Variants in C1orf21 observed in about 807,000 individuals in gnomAD.
C1orf21 encodes chromosome 1 open reading frame 21.
In C1orf21, 3 loss-of-function variants were observed where a neutral mutation model predicts 18.7. The ratio of observed to expected loss-of-function variants is 0.16; its 90% CI spans 0.07 to 0.42. C1orf21 has a LOEUF of 0.42. Among genes scored for constraint, C1orf21 ranks in the 10% least tolerant of loss-of-function variants. The probability of loss-of-function intolerance (pLI) is 0.99; values close to 1 mark genes in which losing one functional copy is unlikely to be tolerated. For missense variants in C1orf21, 104 were observed against 143.6 expected (o/e 0.72, Z 1.41); for synonymous variants, 41 against 46.4 (o/e 0.88, Z 0.47).
chr1:184,481,187 C>T (rs1657649016), intron 2 of C1orf21, among the ~76,000 whole-genome samples: 1 of 152,172 alleles, frequency 6.6e-6, no homozygotes, highest in Non-Finnish European at 1.5e-5. Flanking sequence ...AACTCTCTCT[C>T]TTAGAAAAAT....
intron 4 of C1orf21, among the ~76,000 whole-genome samples, chr1:184,595,464 G>T (rs1056727876): frequency 6.6e-6 from 1 of 152,162 alleles, no homozygotes; most frequent in Non-Finnish European, 1.5e-5. Flanking sequence ...CATATTCATG[G>T]TGCTGTGTGG....
At chr1:184,534,076 A>G (rs1051238022) in intron 3 of C1orf21, among the ~76,000 whole-genome samples, 10 of 152,166 alleles carry the variant, frequency 6.6e-5, no homozygotes, top group Non-Finnish European at 7.3e-5. Flanking sequence ...CACCTGGCCC[A>G]CAGTAACCAC....
At chr1:184,616,186 T>C (rs1281318254) in intron 5 of C1orf21, among the ~76,000 whole-genome samples, 1 of 152,220 alleles carries the variant, frequency 6.6e-6, no homozygotes, top group Non-Finnish European at 1.5e-5. Flanking sequence ...TCAATGTGTT[T>C]TGATTTCAAA....
intron 3 of C1orf21, among the ~76,000 whole-genome samples, chr1:184,512,215 A>G (rs968568635): frequency 6.6e-6 from 1 of 152,182 alleles, no homozygotes; most frequent in Non-Finnish European, 1.5e-5. Context: ...ATTCATTCGG[A>G]TTATATCCAA....
At chr1:184,465,913 C>A (rs1035822235) in intron 1 of C1orf21, among the ~76,000 whole-genome samples, 2 of 152,156 alleles carry the variant, frequency 1.3e-5, no homozygotes, top group Non-Finnish European at 2.9e-5. Context: ...CACCACGAGG[C>A]GCTGGCTGAT....
chr1:184,480,529 A>G (rs904517458), intron 2 of C1orf21, among the ~76,000 whole-genome samples: 1 of 152,200 alleles, frequency 6.6e-6, no homozygotes, highest in Non-Finnish European at 1.5e-5. Flanking sequence ...ATTGTTCTAA[A>G]GCACCATGTG....
rs200631824 is a variant in C1orf21, at chr1:184,618,290, T to TAATC, written c.328-1226_328-1223dup. ...GTAAAAGTATGTGCCAGAAATGATT[T>TAATC]AATCACTTTATTACTATTAACTCAT... On this transcript the variant is annotated intron_variant, in intron 5 of 5. Transcript: ENST00000235307. Among the ~76,000 whole-genome samples, 1,396 of 152,306 alleles carry TAATC rather than the reference T, an allele frequency of 9.2e-3. 15 individuals are homozygous for TAATC. The highest frequency in any genetic ancestry group is 0.031 in the African/African-American group (1,290 of 41,552).
At chr1:184,448,507 T>C (rs1657067634) in intron 1 of C1orf21, among the ~76,000 whole-genome samples, 1 of 152,248 alleles carries the variant, frequency 6.6e-6, no homozygotes, top group South Asian at 2.1e-4. Context: ...TTAATTGCCC[T>C]GTAATTGTTT....
intron 1 of C1orf21, among the ~76,000 whole-genome samples, chr1:184,460,629 T>TTCC (rs1657289655): frequency 2.3e-5 from 1 of 43,302 alleles, no homozygotes; most frequent in African/African-American, 5.2e-5. Context: ...CGTCTTCTTC[T>TTCC]TCTTCTTCTT....
At chr1:184,409,050 G>A (rs187938269) in intron 1 of C1orf21, among the ~76,000 whole-genome samples, 139 of 152,314 alleles carry the variant, frequency 9.1e-4, no homozygotes, top group Non-Finnish European at 1.5e-3. Flanking sequence ...GGTGAAATAC[G>A]GGTAGTTTCC....
At chr1:184,558,028 G>T (rs933492703) in intron 3 of C1orf21, among the ~76,000 whole-genome samples, 1 of 152,160 alleles carries the variant, frequency 6.6e-6, no homozygotes, top group African/African-American at 2.4e-5. Flanking sequence ...GCACATGTCT[G>T]TATGCAAAGT....
intron 1 of C1orf21, among the ~76,000 whole-genome samples, chr1:184,457,272 T>C (rs2101982143): frequency 6.6e-6 from 1 of 152,338 alleles, no homozygotes. Context: ...AAATACTTAC[T>C]GAGCAAAGAT....
At chr1:184,578,311 A>T (rs1248952790) in intron 3 of C1orf21, among the ~76,000 whole-genome samples, 2 of 152,186 alleles carry the variant, frequency 1.3e-5, no homozygotes, top group Non-Finnish European at 2.9e-5. Flanking sequence ...CATAGTTAAT[A>T]GCTGAATTCC....
At chr1:184,400,680 T>TTG (rs1656138312) in intron 1 of C1orf21, among the ~76,000 whole-genome samples, 7 of 151,764 alleles carry the variant, frequency 4.6e-5, no homozygotes, top group African/African-American at 1.7e-4. Context: ...TGGGGAATTT[T>TTG]TTGTTGTTGT....
intron 5 of C1orf21, among the ~76,000 whole-genome samples, chr1:184,603,849 A>G (rs1659616461): frequency 1.3e-5 from 2 of 152,254 alleles, no homozygotes; most frequent in African/African-American, 4.8e-5. Flanking sequence ...AGACCTCTAC[A>G]TCTATTGAAC....
In C1orf21 at chr1:184,391,618, C is replaced by T. The variant is rs529276392; in HGVS notation, c.-125+4250C>T. 3.3e-5 allele frequency among the ~76,000 whole-genome samples: 5 copies of T among 152,270 alleles called. No individual in the cohort carries two copies. The East Asian group carries it at 9.6e-4, about 29-fold the overall frequency. ...GTGTATGGTAGTTTATTAAGAGCCC[C>T]ATATTATGCCTCAGGTAGGATTTTT... On this transcript the variant is annotated intron_variant, in intron 1 of 5. Coordinates refer to ENST00000235307, the MANE Select transcript of C1orf21 (RefSeq NM_030806.4).
chr1:184,511,786 G>A (rs191676365), intron 3 of C1orf21, among the ~76,000 whole-genome samples: 162 of 151,674 alleles, frequency 1.1e-3, no homozygotes, highest in African/African-American at 3.6e-3. Flanking sequence ...AAACAAACCC[G>A]TTCTTGTTCA....
chr1:184,614,986 G>A (rs964843189), intron 5 of C1orf21, among the ~76,000 whole-genome samples: 6 of 152,164 alleles, frequency 3.9e-5, no homozygotes, highest in Non-Finnish European at 7.4e-5. Context: ...TAGACTATTT[G>A]TCTATTTTAA....
chr1:184,565,611 GT>G (rs1265162100), intron 3 of C1orf21, among the ~76,000 whole-genome samples: 2 of 152,180 alleles, frequency 1.3e-5, no homozygotes, highest in Non-Finnish European at 2.9e-5. Flanking sequence ...TATTTGGGGT[GT>G]CCCCCTGTAA....
Sources: gnomAD v4.1 joint callset for allele counts (sites outside exome capture counted in the v4.1 genomes callset) on GRCh38, gnomAD v4.1.1 for gene constraint, MANE v1.5 for transcripts, NCBI Gene and HGNC (gene_info 2026-07-23, HGNC 2026-07-21) for gene names.